PKD2: variants seen among roughly 807,000 people sequenced by gnomAD.
PKD2 encodes polycystin-2.
In PKD2, 48 loss-of-function variants were observed where a neutral mutation model predicts 105.9. The ratio of observed to expected loss-of-function variants is 0.45; its 90% CI spans 0.36 to 0.58. The LOEUF is 0.58. PKD2 is among the 20% of genes least tolerant of loss of function. The pLI is 0.00. For missense variants in PKD2, 1,078 were observed against 1,255.3 expected (o/e 0.86, Z 2.13); for synonymous variants, 464 against 481.1 (o/e 0.96, Z 0.46).
chr4:88,027,828 T>TG (rs61023263), intron 2 of PKD2, among the ~76,000 whole-genome samples: 152,227 of 152,244 alleles, frequency 1, 76,105 homozygotes, highest in Middle Eastern at 1. Flanking sequence ...GGTAAGTGTC[T>TG]GGGCTTCCCC....
intron 3 of PKD2, 110 bp from the exon 4 acceptor site, chr4:88,038,139 ACT>A (rs754083488): frequency 3.3e-4 from 359 of 1,095,362 alleles, no homozygotes; most frequent in Non-Finnish European, 4.8e-4. Context: ...CATTCTTATC[ACT>A]CTACTATTTT....
At chr4:88,037,076 A>G (rs189159509) in intron 3 of PKD2, among the ~76,000 whole-genome samples, 1 of 152,126 alleles carries the variant, frequency 6.6e-6, no homozygotes, top group Non-Finnish European at 1.5e-5. Context: ...CAAAAAAGTT[A>G]AAGAATTAGC....
rs551121366 is a variant in PKD2, at chr4:88,047,782, G to A, written c.1548+912G>A. ...GGGAACTGAGGTGGGAGGATCACTT[G>A]AGATCAGGAGTTTGATACCAGCCTG... On this transcript the variant is annotated intron_variant, in intron 6 of 14. Coordinates refer to ENST00000237596, the MANE Select transcript of PKD2 (RefSeq NM_000297.4). Among the ~76,000 whole-genome samples, 188 of 152,104 alleles carry A rather than the reference G, an allele frequency of 1.2e-3. 2 individuals carry two copies. The highest frequency in any genetic ancestry group is 3.4e-3 in the Middle Eastern group (1 of 294).
Position 88,043,366 on chromosome 4 carries a change from A to G in PKD2, c.1228A>G (p.Lys410Glu), listed in dbSNP as rs756589756. ...AACAGCTGCACAAGTTGCTAGCCTC[A>G]AGAAAAATGTCTGGCTGGACCGAGG... ...EETAAQVASLKKNVWLDRGTR... is the reference protein window; with the variant it reads ...EETAAQVASLEKNVWLDRGTR... The change falls in exon 5 of 15, where the codon AAG becomes GAG. Residue 410 changes from lysine to glutamate, a missense_variant. Around this residue, in one of 2 missense-constraint regions of PKD2, gnomAD observed 868 missense variants for 1,067.3 expected, o/e 0.81. Coordinates refer to ENST00000237596, the MANE Select transcript of PKD2 (RefSeq NM_000297.4). The G allele has an allele frequency of 1.2e-6, 2 of 1,614,048 alleles. No individual in the cohort carries two copies. The highest frequency in any genetic ancestry group is 2.2e-5 in the South Asian group (2 of 91,082).
Position 88,008,056 on chromosome 4 carries a change from G to A in PKD2, c.323G>A (p.Gly108Asp), listed in dbSNP as rs1464594551. ...GAGGAGGAGGTGGAAGGGGAAGAAG[G>A]CGGAATGGTGGTGGAGATGGACGTA... ...EEEEEVEGEE[G>D]GMVVEMDVEW... The change falls in exon 1 of 15, where the codon GGC (glycine) becomes GAC (aspartate). Residue 108 changes from glycine (G) to aspartate (D), a missense_variant. Around this residue, in one of 2 missense-constraint regions of PKD2, gnomAD observed 210 missense variants for 187.9 expected, o/e 1.12. Transcript: ENST00000237596. 5 of 1,521,846 alleles carry A rather than the reference G, an allele frequency of 3.3e-6. No individual in the cohort carries two copies. The highest frequency in any genetic ancestry group is 1.7e-4 in the Middle Eastern group (1 of 5,920). The allele number at this position is 1,521,846 out of a possible 1,614,324, so 94.3% of individuals were successfully genotyped here.
intron 9 of PKD2, among the ~76,000 whole-genome samples, chr4:88,058,667 A>G (rs1426590867): frequency 1.3e-5 from 2 of 152,204 alleles, no homozygotes; most frequent in Admixed American, 1.3e-4. Flanking sequence ...TATCCCATTC[A>G]TCTAGAGACT....
rs557032649 is a variant in PKD2 at position 88,015,498 on chromosome 4, C to T, written c.596-3960C>T. ...TGTGATCTCGGCTCACTGTAGCCTC[C>T]GCCTCCCGGGTTCAAGCGATTCTCC... On this transcript the variant is annotated intron_variant, in intron 1 of 14. Coordinates refer to ENST00000237596, the MANE Select transcript of PKD2 (RefSeq NM_000297.4). 2.9e-3 allele frequency among the ~76,000 whole-genome samples: 443 copies of T among 150,962 alleles called. 5 individuals carry two copies. Among genetic ancestry groups the T allele is most frequent in the African/African-American group, 0.01 (423 of 41,044 alleles).
chr4:88,055,638 C>CT (rs5860112), intron 7 of PKD2, among the ~76,000 whole-genome samples: 117 of 140,874 alleles, frequency 8.3e-4, no homozygotes, highest in African/African-American at 1.5e-3. Context: ...TGCACTCAGC[C>CT]TTTTTTTTTT....
intron 1 of PKD2, among the ~76,000 whole-genome samples, chr4:88,016,805 T>C (rs1168078259): frequency 6.6e-6 from 1 of 151,008 alleles, no homozygotes; most frequent in Non-Finnish European, 1.5e-5. Flanking sequence ...TACAAAAAAT[T>C]AAAAACTTAG....
chr4:88,032,812 C>T (rs1219598246), intron 2 of PKD2, among the ~76,000 whole-genome samples: 1 of 152,144 alleles, frequency 6.6e-6, no homozygotes, highest in African/African-American at 2.4e-5. Flanking sequence ...ATATATTTCC[C>T]CATTTGAGCT....
intron 12 of PKD2, 113 bp downstream of exon 12, chr4:88,065,992 T>TCC (rs1720779046): frequency 3.4e-6 from 2 of 583,846 alleles, no homozygotes. Flanking sequence ...CCCACCACAC[T>TCC]CTCTCTCTCT....
chr4:88,047,606 G>A (rs934601801), intron 6 of PKD2, among the ~76,000 whole-genome samples: 2 of 152,050 alleles, frequency 1.3e-5, no homozygotes, highest in East Asian at 1.9e-4. Flanking sequence ...TATTTTGTGC[G>A]GCAGAGAAAA....
chr4:88,047,556 G>C (rs544105563), intron 6 of PKD2, among the ~76,000 whole-genome samples: 1 of 152,150 alleles, frequency 6.6e-6, no homozygotes, highest in African/African-American at 2.4e-5. Context: ...GTGAGACCTT[G>C]CCTCAAAAAG....
intron 1 of PKD2, 124 bp downstream of exon 1, chr4:88,008,452 T>A: frequency 8.1e-7 from 1 of 1,228,362 alleles, no homozygotes; most frequent in Non-Finnish European, 1.1e-6. Flanking sequence ...TCCGCCTCCC[T>A]TGGAAGCGCA....
intron 13 of PKD2, among the ~76,000 whole-genome samples, chr4:88,071,417 T>A (rs937209297): frequency 6.6e-6 from 1 of 152,128 alleles, no homozygotes; most frequent in African/African-American, 2.4e-5. Context: ...TGTTTGAATA[T>A]ATTTATAATA....
At position 88,043,221 on chromosome 4, in the gene PKD2, GT is replaced by G. The variant is rs1727641808; in HGVS notation, c.1095-7del. On this transcript the variant is annotated splice_polypyrimidine_tract_variant and intron_variant, in intron 4 of 14. Transcript: ENST00000237596. ...TTGTAACTGTTTGTTTTTTGGTTTT[GT>G]TTTTAATCAGTTGGATCTACACAAG... 6.5e-7 allele frequency: 1 copy of G among 1,541,642 alleles called. No individual in the cohort carries two copies. Among genetic ancestry groups the G allele is most frequent in the Non-Finnish European group, 8.9e-7 (1 of 1,122,582 alleles).
intron 2 of PKD2, among the ~76,000 whole-genome samples, chr4:88,028,432 T>A (rs1727032912): frequency 6.6e-6 from 1 of 152,232 alleles, no homozygotes; most frequent in African/African-American, 2.4e-5. Context: ...TAAGATCACA[T>A]GTTGCAATCC....
chr4:88,033,980 C>G (rs1727246834), intron 2 of PKD2, among the ~76,000 whole-genome samples: 1 of 152,322 alleles, frequency 6.6e-6, no homozygotes, highest in East Asian at 1.9e-4. Context: ...AGGCAGCACT[C>G]TCCCTGGGGA....
chr4:88,037,195 A>T (rs1198121072), intron 3 of PKD2, among the ~76,000 whole-genome samples: 2 of 152,114 alleles, frequency 1.3e-5, no homozygotes, highest in Admixed American at 6.6e-5. Flanking sequence ...TGGCCATGCT[A>T]CTGCATTCCA....
Sources: gnomAD v4.1 joint callset for allele counts (sites outside exome capture counted in the v4.1 genomes callset) on GRCh38, gnomAD v4.1.1 for gene constraint, gnomAD v4.1.1 regional missense constraint, MANE v1.5 for transcripts, NCBI Gene and HGNC (gene_info 2026-07-23, HGNC 2026-07-21) for gene names.